GPC6: variants seen among roughly 807,000 people sequenced by gnomAD.
The protein encoded by GPC6 is glypican-6.
In GPC6, 14 loss-of-function variants were observed where a neutral mutation model predicts 55.2. The observed-to-expected ratio is 0.25, with a 90% CI of 0.17 to 0.40. The LOEUF (loss-of-function observed/expected upper bound fraction) is 0.40. Among genes scored for constraint, GPC6 ranks in the 10% least tolerant of loss-of-function variants. The pLI, the probability that GPC6 is intolerant of heterozygous loss-of-function variation, is 1.00. For missense variants in GPC6, 641 were observed against 708.5 expected (o/e 0.90, Z 1.08); for synonymous variants, 278 against 259.6 (o/e 1.07, Z -0.68).
intron 2 of GPC6, among the ~76,000 whole-genome samples, chr13:93,600,790 A>T (rs1877977096): frequency 6.6e-6 from 1 of 151,412 alleles, no homozygotes; most frequent in Non-Finnish European, 1.5e-5. Context: ...TAGCTACTAA[A>T]AATACAAAAA....
intron 4 of GPC6, among the ~76,000 whole-genome samples, chr13:94,075,361 A>G (rs894704986): frequency 2.0e-5 from 3 of 152,168 alleles, no homozygotes; most frequent in Admixed American, 6.5e-5. Context: ...AATCAAGGAA[A>G]TAAACATATT....
intron 2 of GPC6, among the ~76,000 whole-genome samples, chr13:93,812,946 C>A (rs1279047633): frequency 6.6e-6 from 1 of 152,104 alleles, no homozygotes; most frequent in Non-Finnish European, 1.5e-5. Flanking sequence ...AGGATTGTCA[C>A]TAATTGTCAA....
intron 4 of GPC6, among the ~76,000 whole-genome samples, chr13:94,135,410 T>A (rs1313169875): frequency 6.6e-6 from 1 of 152,224 alleles, no homozygotes; most frequent in African/African-American, 2.4e-5. Context: ...AAAGTGACTT[T>A]CCCCATGTAG....
chr13:93,563,216 T>A (rs1875903771), intron 2 of GPC6, among the ~76,000 whole-genome samples: 1 of 151,996 alleles, frequency 6.6e-6, no homozygotes, highest in Non-Finnish European at 1.5e-5. Context: ...TGAAAAAAAA[T>A]GAAAATCTTA....
At chr13:93,961,334 A>G (rs1879765558) in intron 3 of GPC6, among the ~76,000 whole-genome samples, 2 of 152,220 alleles carry the variant, frequency 1.3e-5, no homozygotes, top group Non-Finnish European at 2.9e-5. Context: ...CTAATCTCTA[A>G]ATTTAAATAA....
chr13:93,352,235 C>A (rs1005770224), intron 1 of GPC6, among the ~76,000 whole-genome samples: 1 of 151,896 alleles, frequency 6.6e-6, no homozygotes, highest in African/African-American at 2.4e-5. Context: ...TTATGGTATG[C>A]GAATTTCACT....
At chr13:93,824,439 A>T (rs188429461) in intron 2 of GPC6, among the ~76,000 whole-genome samples, 2 of 152,312 alleles carry the variant, frequency 1.3e-5, no homozygotes, top group East Asian at 1.9e-4. Flanking sequence ...ATGTGAGTGC[A>T]ATCAGCTTGG....
At chr13:94,258,798 C>A (rs967387604) in intron 4 of GPC6, among the ~76,000 whole-genome samples, 1 of 152,180 alleles carries the variant, frequency 6.6e-6, no homozygotes, top group South Asian at 2.1e-4. Context: ...TTGATTATTT[C>A]TGAGGCTCCA....
At chr13:93,364,303 C>A (rs1005832241) in intron 1 of GPC6, among the ~76,000 whole-genome samples, 1 of 152,000 alleles carries the variant, frequency 6.6e-6, no homozygotes, top group Admixed American at 6.6e-5. Flanking sequence ...TTAGTCACCA[C>A]GTGTCATAAG....
intron 3 of GPC6, among the ~76,000 whole-genome samples, chr13:93,941,005 T>G (rs1414949547): frequency 6.6e-6 from 1 of 152,214 alleles, no homozygotes; most frequent in Non-Finnish European, 1.5e-5. Context: ...AAAAAGTTTT[T>G]GGCACATAAT....
intron 4 of GPC6, among the ~76,000 whole-genome samples, chr13:94,161,785 A>T (rs1377843114): frequency 6.6e-6 from 1 of 152,158 alleles, no homozygotes; most frequent in East Asian, 1.9e-4. Flanking sequence ...CCATTTTCAC[A>T]CTGCTGATAA....
chr13:93,341,887 A>G (rs1037502732), intron 1 of GPC6, among the ~76,000 whole-genome samples: 1 of 148,640 alleles, frequency 6.7e-6, no homozygotes, highest in African/African-American at 2.5e-5. Flanking sequence ...AATTTAAGTC[A>G]TTGATCCATC....
chr13:93,454,421 C>T (rs1194107713), intron 1 of GPC6, among the ~76,000 whole-genome samples: 1 of 125,016 alleles, frequency 8.0e-6, no homozygotes, highest in African/African-American at 2.8e-5. Flanking sequence ...GTTTACAAAC[C>T]TTGAGCTAGA....
intron 4 of GPC6, among the ~76,000 whole-genome samples, chr13:94,155,982 G>T (rs1887921032): frequency 6.6e-6 from 1 of 152,130 alleles, no homozygotes; most frequent in Non-Finnish European, 1.5e-5. Context: ...TCCATTCGAA[G>T]GATGAGGAAA....
chr13:93,739,537 C>T (rs1884127175), intron 2 of GPC6, among the ~76,000 whole-genome samples: 1 of 151,054 alleles, frequency 6.6e-6, no homozygotes, highest in Non-Finnish European at 1.5e-5. Flanking sequence ...TCGCGCCATT[C>T]TCCTGCCTCA....
At chr13:93,899,488 G>A (rs1007701328) in intron 3 of GPC6, among the ~76,000 whole-genome samples, 1 of 151,914 alleles carries the variant, frequency 6.6e-6, no homozygotes, top group Non-Finnish European at 1.5e-5. Context: ...AGAGACATTT[G>A]CAGTGAAACT....
intron 6 of GPC6, among the ~76,000 whole-genome samples, chr13:94,337,015 C>T (rs1183850013): frequency 2.0e-5 from 3 of 152,168 alleles, no homozygotes; most frequent in African/African-American, 7.2e-5. Flanking sequence ...ATGTCTACCA[C>T]TAGAAAGGAG....
At chr13:93,543,052 C>T (rs938284036) in intron 1 of GPC6, among the ~76,000 whole-genome samples, 11 of 152,086 alleles carry the variant, frequency 7.2e-5, no homozygotes, top group Non-Finnish European at 1.2e-4. Context: ...CCAGAACTTC[C>T]GACACTATGT....
intron 2 of GPC6, among the ~76,000 whole-genome samples, chr13:93,733,156 G>A (rs1287195452): frequency 2.0e-5 from 3 of 152,066 alleles, no homozygotes; most frequent in Admixed American, 1.3e-4. Flanking sequence ...TTTGCTAATG[G>A]AGGAAATTTA....
Sources: gnomAD v4.1 joint callset for allele counts (sites outside exome capture counted in the v4.1 genomes callset) on GRCh38, gnomAD v4.1.1 for gene constraint, MANE v1.5 for transcripts, NCBI Gene and HGNC (gene_info 2026-07-23, HGNC 2026-07-21) for gene names.